UBR3: variants seen among roughly 807,000 people sequenced by gnomAD.
The protein encoded by UBR3 is ubiquitin protein ligase E3 component n-recognin 3.
UBR3 carries 85 observed loss-of-function variants against 243.2 expected under a neutral mutation model. That is an observed-to-expected ratio of 0.35 (90% CI 0.29 to 0.42). UBR3 has a LOEUF of 0.42. Among genes scored for constraint, UBR3 ranks in the 10% least tolerant of loss-of-function variants. The pLI is 1.00. For synonymous variants in UBR3, 748 were observed against 799.8 expected, an observed-to-expected ratio of 0.94 and a Z score of 1.09; for missense variants, 1,686 against 2,300.8, an observed-to-expected ratio of 0.73 and a Z score of 5.47.
intron 30 of UBR3, among the ~76,000 whole-genome samples, chr2:170,017,797 T>C (rs777678330): frequency 2.0e-5 from 3 of 152,204 alleles, no homozygotes; most frequent in Non-Finnish European, 4.4e-5. Context: ...AGTAAAAAGT[T>C]ACTCAAATTA....
At chr2:169,889,179 T>C (rs1218000205) in intron 5 of UBR3, among the ~76,000 whole-genome samples, 3 of 152,234 alleles carry the variant, frequency 2.0e-5, no homozygotes, top group African/African-American at 7.2e-5. Flanking sequence ...TAAGGCCAAC[T>C]CAGTGGTCTG....
rs917228816 is a variant in UBR3, at chr2:169,931,746, A to T, written c.2567-1166A>T. 7.9e-5 allele frequency among the ~76,000 whole-genome samples: 12 copies of T among 152,280 alleles called. No individual in the cohort carries two copies. In the East Asian group the frequency reaches 1.2e-3, roughly 15 times the overall value. On this transcript the variant is annotated intron_variant, in intron 18 of 38. Coordinates refer to ENST00000272793, the MANE Select transcript of UBR3 (RefSeq NM_172070.4). The stretch of plus-strand genomic sequence containing the variant: ...TATACTTAGTATTTCACTATTTTTT[A>T]AAATGAGTTAACTTAAAAAAAACCT...
intron 1 of UBR3, among the ~76,000 whole-genome samples, chr2:169,867,767 CT>C (rs2083307089): frequency 6.6e-6 from 1 of 152,114 alleles, no homozygotes; most frequent in Non-Finnish European, 1.5e-5. Context: ...GATGTTGAAC[CT>C]TCCAGTGCCA....
intron 23 of UBR3, among the ~76,000 whole-genome samples, chr2:169,950,532 T>A (rs960717300): frequency 1.3e-5 from 2 of 152,118 alleles, no homozygotes; most frequent in Admixed American, 1.3e-4. Context: ...GACTAACTTA[T>A]GCTTCTAGCT....
intron 5 of UBR3, among the ~76,000 whole-genome samples, chr2:169,881,782 T>C (rs1402851859): frequency 1.4e-5 from 2 of 139,224 alleles, no homozygotes; most frequent in African/African-American, 2.6e-5. Flanking sequence ...TAATATAATA[T>C]ATATGTATAT....
In UBR3 at chr2:169,971,334, A is replaced by G. The variant is rs557786581; in HGVS notation, c.3634+12808A>G. Among the ~76,000 whole-genome samples, 230 of 151,280 alleles carry G rather than the reference A, an allele frequency of 1.5e-3. 2 individuals carry two copies. Among genetic ancestry groups the G allele is most frequent in the Middle Eastern group, 0.01 (3 of 294 alleles). ...TGCAGAAGCTCTTTAGTTTGATTAG[A>G]TCCCATTTGTCAATTTTGGCTTTTG... On this transcript the variant is annotated intron_variant, in intron 24 of 38. Transcript: ENST00000272793.
At chr2:169,936,573 C>G (rs2086341023) in intron 19 of UBR3, among the ~76,000 whole-genome samples, 1 of 151,520 alleles carries the variant, frequency 6.6e-6, no homozygotes, top group African/African-American at 2.4e-5. Flanking sequence ...GCACAATGTG[C>G]AGGTTTCTTA....
At chr2:169,841,881 C>T (rs914085850) in intron 1 of UBR3, among the ~76,000 whole-genome samples, 1 of 152,224 alleles carries the variant, frequency 6.6e-6, no homozygotes, top group Non-Finnish European at 1.5e-5. Context: ...CTCCACGGTG[C>T]CCAGTCCCGT....
At chr2:169,957,643 A>G (rs549488789) in intron 23 of UBR3, among the ~76,000 whole-genome samples, 4 of 152,156 alleles carry the variant, frequency 2.6e-5, no homozygotes, top group South Asian at 4.1e-4. Context: ...GCACACCAAC[A>G]TGGCACATGT....
Position 169,913,366 on chromosome 2 carries a change from T to TG in UBR3, c.1780-694_1780-693insG, listed in dbSNP as rs200574606. ...TTTTGTTTGTTTGTTTTTTGTTTTT[T>TG]TTTTTGTTTTTGGTAAGCAAGCCTA... On this transcript the variant is annotated intron_variant, in intron 10 of 38. Coordinates refer to ENST00000272793, the MANE Select transcript of UBR3 (RefSeq NM_172070.4). Among the ~76,000 whole-genome samples, 1,263 of 151,556 alleles carry TG rather than the reference T, an allele frequency of 8.3e-3. 21 individuals carry two copies. Among genetic ancestry groups the TG allele is most frequent in the African/African-American group, 0.029 (1,212 of 41,436 alleles).
intron 1 of UBR3, among the ~76,000 whole-genome samples, chr2:169,841,484 G>T (rs1257759153): frequency 6.6e-6 from 1 of 152,190 alleles, no homozygotes; most frequent in Non-Finnish European, 1.5e-5. Context: ...CCCTTTCTGG[G>T]CTGGCCAAGG....
rs781214598 is a variant in UBR3 at position 169,890,525 on chromosome 2, G to GGAGAGAGAGAGA, written c.1039-635_1039-624dup. ...TTATTTTTAGTGCGAGGTTTTTCTA[G>GGAGAGAGAGAGA]GAGAGAGAGAGAGAGATATATATAT... is the stretch of plus-strand genomic sequence containing the variant. On this transcript the variant is annotated intron_variant, in intron 5 of 38. Transcript: ENST00000272793. Among the ~76,000 whole-genome samples, 159 of 67,838 alleles carry GGAGAGAGAGAGA rather than the reference G, an allele frequency of 2.3e-3. 8 individuals are homozygous for GGAGAGAGAGAGA. The highest frequency in any genetic ancestry group is 1.0e-2 in the African/African-American group (153 of 15,372). The allele number at this position is 67,838 out of a possible 152,430, so 44.5% of individuals were successfully genotyped here.
chr2:169,992,586 G>C (rs1364610861), intron 25 of UBR3, among the ~76,000 whole-genome samples: 1 of 152,146 alleles, frequency 6.6e-6, no homozygotes, highest in Non-Finnish European at 1.5e-5. Context: ...GCATCTACCA[G>C]CTTTTGTCTC....
intron 24 of UBR3, among the ~76,000 whole-genome samples, chr2:169,963,433 G>T (rs976354374): frequency 3.3e-5 from 5 of 151,902 alleles, no homozygotes; most frequent in African/African-American, 1.2e-4. Flanking sequence ...CTTATTTGCT[G>T]GTGAAATTCT....
chr2:169,875,014 C>T lies in UBR3; in HGVS notation c.686-777C>T, dbSNP rs562321565. Among the ~76,000 whole-genome samples, 5 of 138,752 alleles carry T rather than the reference C, an allele frequency of 3.6e-5. No homozygotes were observed. In the East Asian group the frequency reaches 1.1e-3, roughly 30 times the overall value. 91.0% of individuals were successfully genotyped at this position (138,752 alleles called of 152,430 possible). A position where few individuals can be genotyped will look rare whatever the true frequency, so the allele number is the denominator to read the frequency against. ...TGTCCAAGCTTTTCTTTCTCTCCAT[C>T]TCTATTTGCCTGTTTTTTTTTTAGT... On this transcript the variant is annotated intron_variant, in intron 2 of 38. Transcript: ENST00000272793.
chr2:169,846,255 G>C (rs1056190362), intron 1 of UBR3, among the ~76,000 whole-genome samples: 2 of 152,030 alleles, frequency 1.3e-5, no homozygotes, highest in Non-Finnish European at 2.9e-5. Flanking sequence ...TATACACTTA[G>C]GATTGTTATG....
chr2:169,977,198 AT>A (rs1406293022), intron 24 of UBR3, among the ~76,000 whole-genome samples: 1 of 151,640 alleles, frequency 6.6e-6, no homozygotes, highest in Non-Finnish European at 1.5e-5. Flanking sequence ...CGTCTTTTGA[AT>A]TTTTTTTCCT....
intron 1 of UBR3, among the ~76,000 whole-genome samples, chr2:169,871,054 C>T (rs1389486163): frequency 6.6e-6 from 1 of 150,736 alleles, no homozygotes; most frequent in Non-Finnish European, 1.5e-5. Context: ...GCTTAAATAG[C>T]TTCTCTTCCC....
intron 23 of UBR3, among the ~76,000 whole-genome samples, chr2:169,955,273 G>A (rs995543615): frequency 6.6e-6 from 1 of 152,016 alleles, no homozygotes; most frequent in East Asian, 1.9e-4. Flanking sequence ...ATGAGATATT[G>A]TAATATCCCA....
Sources: gnomAD v4.1 joint callset for allele counts (sites outside exome capture counted in the v4.1 genomes callset) on GRCh38, gnomAD v4.1.1 for gene constraint, MANE v1.5 for transcripts, NCBI Gene and HGNC (gene_info 2026-07-23, HGNC 2026-07-21) for gene names.